CEP63: variants seen among roughly 807,000 people sequenced by gnomAD.
CEP63 encodes the protein centrosomal protein 63.
A neutral mutation model predicts 89.1 loss-of-function variants in CEP63; 84 were observed. The observed-to-expected ratio is 0.94, with a 90% CI of 0.79 to 1.13. CEP63 has a LOEUF of 1.13. CEP63 is among the 50% of genes most tolerant of loss of function. CEP63 has a pLI of 0.00. For missense variants in CEP63, 838 were observed against 813.3 expected (o/e 1.03, Z -0.37); for synonymous variants, 267 against 272.5 (o/e 0.98, Z 0.20).
At chr3:134,589,547 T>C (rs1226251627), downstream of CEP63, among the ~76,000 whole-genome samples, 1 of 150,734 alleles carries the variant, frequency 6.6e-6, no homozygotes, top group African/African-American at 2.4e-5. Context: ...AAATTACTTA[T>C]TCATCACTTC....
chr3:134,701,752 A>G, the CEP63 span, among the ~76,000 whole-genome samples: 1 of 152,148 alleles, frequency 6.6e-6, no homozygotes, highest in Non-Finnish European at 1.5e-5. Flanking sequence ...GAAAGAAATA[A>G]GGGGTGTTCA....
chr3:134,507,331 C>A, intron 3 of CEP63, 45 bp downstream of exon 3: 1 of 1,390,702 alleles, frequency 7.2e-7, no homozygotes, highest in Non-Finnish European at 1.0e-6. Context: ...TTTATCTTGT[C>A]TTTTATATTA....
the CEP63 span, among the ~76,000 whole-genome samples, chr3:134,738,623 A>C: frequency 2.0e-5 from 3 of 151,932 alleles, no homozygotes; most frequent in East Asian, 5.8e-4. Context: ...TGGGGGGACA[A>C]ATGGGAGGGG....
chr3:134,614,213 G>A, the CEP63 span, among the ~76,000 whole-genome samples: 37 of 152,078 alleles, frequency 2.4e-4, no homozygotes, highest in Non-Finnish European at 4.0e-4. Context: ...AGGAGGGGCC[G>A]AGGACTAGAA....
At chr3:134,710,090 G>A in the CEP63 span, among the ~76,000 whole-genome samples, 1 of 152,186 alleles carries the variant, frequency 6.6e-6, no homozygotes, top group Non-Finnish European at 1.5e-5. Flanking sequence ...GGGGACCCAC[G>A]CTTCAGTTCC....
At chr3:134,643,187 C>T in the CEP63 span, 1 of 766,346 alleles carries the variant, frequency 1.3e-6, no homozygotes, top group Non-Finnish European at 2.1e-6. Flanking sequence ...GGTTTTCCAA[C>T]ACCCATGGGA....
At chr3:134,608,931 G>C in the CEP63 span, 1 of 1,417,260 alleles carries the variant, frequency 7.1e-7, no homozygotes, top group African/African-American at 1.4e-5. Flanking sequence ...GGACACCCTG[G>C]ATGGGAAGAG....
At position 134,547,430 on chromosome 3, in the gene CEP63, G is replaced by A. The variant is rs2109686016; in HGVS notation, c.1025G>A (p.Ser342Asn). ...TCCCAGTTGAATTTTACCCATACTA[G>A]TGAGGACCTTCTGCAGGCAGAGGTG... Reference protein sequence around the residue: ...VLSQLNFTHTSEDLLQAEVTC... With the variant: ...VLSQLNFTHTNEDLLQAEVTC... The change falls in exon 9 of 15, where the codon AGT becomes AAT. Residue 342 changes from serine to asparagine, a missense_variant. Coordinates refer to ENST00000675561, the MANE Select transcript of CEP63 (RefSeq NM_001353108.3). 6.2e-7 allele frequency: 1 copy of A among 1,613,852 alleles called. No homozygotes were observed. Among genetic ancestry groups the A allele is most frequent in the Non-Finnish European group, 8.5e-7 (1 of 1,179,816 alleles).
the CEP63 span, among the ~76,000 whole-genome samples, chr3:134,654,061 A>C: frequency 1.3e-5 from 2 of 152,240 alleles, no homozygotes; most frequent in African/African-American, 4.8e-5. Flanking sequence ...CAGAAAGACA[A>C]AGGACAGTCA....
At chr3:134,542,547 T>G (rs1233699047) in intron 6 of CEP63, among the ~76,000 whole-genome samples, 1 of 152,198 alleles carries the variant, frequency 6.6e-6, no homozygotes, top group African/African-American at 2.4e-5. Context: ...GATTGATGCT[T>G]ACAATGGCCG....
the CEP63 span, among the ~76,000 whole-genome samples, chr3:134,652,204 G>A: frequency 6.6e-6 from 1 of 152,136 alleles, no homozygotes; most frequent in Non-Finnish European, 1.5e-5. Context: ...CATGGCTGTT[G>A]TGAGAATGGC....
At chr3:134,624,577 G>A in the CEP63 span, among the ~76,000 whole-genome samples, 1 of 152,182 alleles carries the variant, frequency 6.6e-6, no homozygotes, top group Admixed American at 6.5e-5. Flanking sequence ...CTGCACCTGA[G>A]ACATGCTCAG....
chr3:134,733,794 T>A, the CEP63 span, among the ~76,000 whole-genome samples: 1 of 152,230 alleles, frequency 6.6e-6, no homozygotes, highest in Admixed American at 6.5e-5. Flanking sequence ...ATCTCAGGCT[T>A]CTAGCCTGCA....
chr3:134,772,300 T>A, the CEP63 span, among the ~76,000 whole-genome samples: 2 of 152,212 alleles, frequency 1.3e-5, no homozygotes, highest in Non-Finnish European at 2.9e-5. Context: ...TGGATTCTCT[T>A]GCTAGACTTG....
chr3:134,717,254 A>T, the CEP63 span, among the ~76,000 whole-genome samples: 1 of 152,182 alleles, frequency 6.6e-6, no homozygotes, highest in Non-Finnish European at 1.5e-5. Flanking sequence ...CTAAAGTTCC[A>T]TGGCCATCCT....
At chr3:134,491,328 A>G (rs1228989434) in intron 1 of CEP63, among the ~76,000 whole-genome samples, 1 of 152,190 alleles carries the variant, frequency 6.6e-6, no homozygotes, top group Non-Finnish European at 1.5e-5. Flanking sequence ...AGCAAGGTTG[A>G]ACATCTTTTC....
intron 11 of CEP63, among the ~76,000 whole-genome samples, chr3:134,570,485 C>G (rs940280462): frequency 3.3e-5 from 5 of 152,218 alleles, no homozygotes; most frequent in Non-Finnish European, 5.9e-5. Flanking sequence ...TAAAACATAG[C>G]AAGAGCCACC....
chr3:134,656,233 T>C, the CEP63 span, among the ~76,000 whole-genome samples: 1 of 150,924 alleles, frequency 6.6e-6, no homozygotes, highest in Non-Finnish European at 1.5e-5. Context: ...GATGAATGAG[T>C]AGGAGAGAGG....
chr3:134,776,479 A>G, the CEP63 span, among the ~76,000 whole-genome samples: 123 of 152,312 alleles, frequency 8.1e-4, no homozygotes, highest in African/African-American at 2.8e-3. Context: ...GACCCGCTAC[A>G]TATCAAGTGC....
Sources: allele counts gnomAD v4.1 joint callset (sites outside exome capture counted in the v4.1 genomes callset), GRCh38; gene constraint gnomAD v4.1.1; transcripts MANE v1.5; gene names NCBI Gene and HGNC (gene_info 2026-07-23, HGNC 2026-07-21).